Variants in ZNF423 observed in about 807,000 individuals in gnomAD.
ZNF423 encodes zinc finger protein 423.
ZNF423 carries 12 observed loss-of-function variants against 95.8 expected under a neutral mutation model. The observed-to-expected ratio is 0.13, with a 90% confidence interval of 0.08 to 0.20. The LOEUF (loss-of-function observed/expected upper bound fraction) is 0.20. ZNF423 is among the 10% of genes least tolerant of loss of function. ZNF423 has a pLI of 1.00. For synonymous variants in ZNF423, 749 were observed against 711.9 expected, an observed-to-expected ratio of 1.05 and a Z score of -0.83; for missense variants, 1,316 against 1,737.1, an observed-to-expected ratio of 0.76 and a Z score of 4.31.
chr16:49,730,664 T>TA, intron 3 of ZNF423, 107 bp downstream of exon 3: 1 of 1,220,518 alleles, frequency 8.2e-7, no homozygotes, highest in Non-Finnish European at 1.2e-6. Flanking sequence ...ACATTAACTG[T>TA]AAAATTACAT....
intron 3 of ZNF423, among the ~76,000 whole-genome samples, chr16:49,656,999 T>C (rs139948358): frequency 6.4e-4 from 98 of 152,220 alleles, no homozygotes; most frequent in African/African-American, 2.3e-3. Flanking sequence ...CCGCGGGATA[T>C]GAGTTTATGA....
chr16:49,642,756 G>A (rs1355079373), intron 3 of ZNF423, among the ~76,000 whole-genome samples: 3 of 151,926 alleles, frequency 2.0e-5, no homozygotes, highest in African/African-American at 4.8e-5. Context: ...GCCAAAGCTC[G>A]GGATGTATCT....
chr16:49,749,900 G>C (rs1487506358), intron 2 of ZNF423, among the ~76,000 whole-genome samples: 1 of 152,204 alleles, frequency 6.6e-6, no homozygotes, highest in African/African-American at 2.4e-5. Flanking sequence ...TCCCGCGAAC[G>C]CATGTGTCTC....
intron 3 of ZNF423, among the ~76,000 whole-genome samples, chr16:49,676,434 G>A (rs144826402): frequency 4.6e-5 from 7 of 152,264 alleles, no homozygotes; most frequent in Admixed American, 1.3e-4. Flanking sequence ...AAGGTGCCTG[G>A]AGGTCCACAA....
rs1435943042 is a variant in ZNF423, at chr16:49,815,920, T to A, written c.41-26374A>T. 3.1e-3 allele frequency among the ~76,000 whole-genome samples: 198 copies of A among 64,702 alleles called. 2 individuals carry two copies. Among genetic ancestry groups the A allele is most frequent in the Middle Eastern group, 6.9e-3 (1 of 144 alleles). The allele number at this position is 64,702 out of a possible 152,430, so 42.4% of individuals were successfully genotyped here. ...TATATATATATATATATATATTTTT[T>A]TTTTTTTTTTTTTTTTGAGACAAAG... On this transcript the variant is annotated intron_variant, in intron 1 of 7. Transcript: ENST00000563137.
At chr16:49,590,957 C>T (rs890175539) in intron 5 of ZNF423, among the ~76,000 whole-genome samples, 1 of 152,194 alleles carries the variant, frequency 6.6e-6, no homozygotes, top group Non-Finnish European at 1.5e-5. Flanking sequence ...CTACTAAAAG[C>T]TCCAACGGGA....
At chr16:49,604,893 C>A (rs959698242) in intron 5 of ZNF423, among the ~76,000 whole-genome samples, 1 of 152,146 alleles carries the variant, frequency 6.6e-6, no homozygotes, top group African/African-American at 2.4e-5. Context: ...GTCCACATCA[C>A]CAGATCCTGG....
At chr16:49,491,454 C>G (rs1285067706) in intron 7 of ZNF423, 150 bp from the exon 8 acceptor site, 2 of 945,876 alleles carry the variant, frequency 2.1e-6, no homozygotes, top group Non-Finnish European at 3.3e-6. Context: ...GCTCCAGGGA[C>G]GCAGCTGCCA....
chr16:49,784,778 T>C (rs12599157), intron 2 of ZNF423, among the ~76,000 whole-genome samples: 18,598 of 151,914 alleles, frequency 0.12, 1,239 homozygotes, highest in East Asian at 0.23. Flanking sequence ...GGTGAAACCC[T>C]GTCTCTACTA....
At chr16:49,795,273 A>G (rs1385935896) in intron 1 of ZNF423, among the ~76,000 whole-genome samples, 1 of 152,182 alleles carries the variant, frequency 6.6e-6, no homozygotes, top group Non-Finnish European at 1.5e-5. Context: ...CAAGGCAGCC[A>G]CAGACACACC....
chr16:49,644,455 G>T (rs1973095078), intron 3 of ZNF423, among the ~76,000 whole-genome samples: 1 of 149,338 alleles, frequency 6.7e-6, no homozygotes, highest in Non-Finnish European at 1.5e-5. Context: ...AGGAGTTTGA[G>T]ACCAGTCTGA....
chr16:49,819,318 T>C (rs1168593403), intron 1 of ZNF423, among the ~76,000 whole-genome samples: 1 of 150,236 alleles, frequency 6.7e-6, no homozygotes, highest in East Asian at 2.0e-4. Flanking sequence ...TCAAAACCCA[T>C]ATGTGGCTAG....
intron 1 of ZNF423, among the ~76,000 whole-genome samples, chr16:49,815,889 T>A (rs1377210578): frequency 7.1e-5 from 3 of 42,544 alleles, no homozygotes; most frequent in African/African-American, 3.1e-4. Context: ...AAAATATATA[T>A]ATATATATAT....
chr16:49,756,172 G>A (rs1350315187), intron 2 of ZNF423, among the ~76,000 whole-genome samples: 9 of 152,202 alleles, frequency 5.9e-5, no homozygotes, highest in African/African-American at 1.9e-4. Context: ...AGAGACAAGG[G>A]TTTTCAAAAC....
At chr16:49,853,868 A>G in intron 1 of ZNF423, 2 of 985,388 alleles carry the variant, frequency 2.0e-6, no homozygotes, top group Non-Finnish European at 2.4e-6. Flanking sequence ...GGAGAAGTGG[A>G]TTGGAAGTCT....
intron 7 of ZNF423, among the ~76,000 whole-genome samples, chr16:49,520,594 C>G (rs367836323): frequency 6.6e-6 from 1 of 152,214 alleles, no homozygotes; most frequent in South Asian, 2.1e-4. Context: ...CCTGCAAATA[C>G]CAGGTGCCTG....
chr16:49,815,646 G>C (rs372455957), intron 1 of ZNF423, among the ~76,000 whole-genome samples: 2 of 151,718 alleles, frequency 1.3e-5, no homozygotes, highest in East Asian at 3.9e-4. Context: ...AGGCCTTCAG[G>C]GCCAGCCAGG....
At chr16:49,552,700 G>T (rs964761891) in intron 5 of ZNF423, among the ~76,000 whole-genome samples, 4 of 152,136 alleles carry the variant, frequency 2.6e-5, no homozygotes, top group Non-Finnish European at 5.9e-5. Flanking sequence ...AAACCAAAGG[G>T]ACAAGTGCAA....
In ZNF423 at chr16:49,525,394, G is replaced by C. The variant is rs766215720; in HGVS notation, c.3702C>G (p.Gly1234=). 1.9e-6 allele frequency: 3 copies of C among 1,613,896 alleles called. No individual in the cohort carries two copies. Among genetic ancestry groups the C allele is most frequent in the Admixed American group, 1.7e-5 (1 of 59,998 alleles). Residue 1234 remains glycine, a synonymous_variant, in exon 6 of 8, where the codon GGC becomes GGG. Transcript: ENST00000563137. ...HLIEHSFEGM[G]GTFKCPVCFT... ...AACACACGGGGCATTTGAAGGTGCCGCCCATGCCCTCGAAGCTGTGCTCAA... is the reference window on the plus strand; with the variant it reads ...AACACACGGGGCATTTGAAGGTGCCCCCCATGCCCTCGAAGCTGTGCTCAA...
Sources: gnomAD v4.1 joint callset for allele counts (sites outside exome capture counted in the v4.1 genomes callset) on GRCh38, gnomAD v4.1.1 for gene constraint, MANE v1.5 for transcripts, NCBI Gene and HGNC (gene_info 2026-07-23, HGNC 2026-07-21) for gene names.